Variants in PRRC2C observed in about 807,000 individuals in gnomAD.
PRRC2C encodes the protein protein PRRC2C.
In PRRC2C, 72 loss-of-function variants were observed where a neutral mutation model predicts 317.2. That is an observed-to-expected ratio of 0.23 (90% CI 0.19 to 0.28). The LOEUF is 0.28. Ranked by LOEUF, PRRC2C falls within the 10% of genes least tolerant of loss-of-function variation. PRRC2C has a pLI of 1.00. For synonymous variants in PRRC2C, 1,296 were observed against 1,205.9 expected, an observed-to-expected ratio of 1.07 and a Z score of -1.55; for missense variants, 3,074 against 3,459.7, an observed-to-expected ratio of 0.89 and a Z score of 2.80.
intron 6 of PRRC2C, among the ~76,000 whole-genome samples, chr1:171,521,606 C>CTT (rs397790994): frequency 4.0e-5 from 6 of 150,980 alleles, no homozygotes; most frequent in Non-Finnish European, 7.4e-5. Context: ...CTGAGTTCTT[C>CTT]CCCACGCCTG....
intron 17 of PRRC2C, among the ~76,000 whole-genome samples, chr1:171,547,633 C>CTT (rs35480518): frequency 1.5e-4 from 19 of 129,812 alleles, no homozygotes; most frequent in East Asian, 4.5e-4. Context: ...AGTTTCCCTT[C>CTT]TTTTTTTTTT....
At chr1:171,548,666 A>G (rs1679619513) in intron 17 of PRRC2C, among the ~76,000 whole-genome samples, 1 of 152,128 alleles carries the variant, frequency 6.6e-6, no homozygotes, top group Admixed American at 6.5e-5. Context: ...ATATTATTTG[A>G]TGGATTTATA....
chr1:171,526,303 T>A (rs1238669970), intron 10 of PRRC2C, among the ~76,000 whole-genome samples: 1 of 152,230 alleles, frequency 6.6e-6, no homozygotes, highest in Non-Finnish European at 1.5e-5. Flanking sequence ...TCAGTCAGAT[T>A]TGCTGGATCA....
intron 22 of PRRC2C, among the ~76,000 whole-genome samples, chr1:171,567,464 T>C (rs929485979): frequency 3.9e-5 from 6 of 152,238 alleles, no homozygotes; most frequent in Non-Finnish European, 2.9e-5. Context: ...ATGCAATTTT[T>C]TATATTATCT....
intron 3 of PRRC2C, 114 bp from the exon 4 acceptor site, chr1:171,514,422 C>T (rs1671953185): frequency 1.4e-6 from 1 of 721,808 alleles, no homozygotes; most frequent in South Asian, 2.2e-5. Context: ...TGGAGATTTA[C>T]CAATGAATAA....
intron 10 of PRRC2C, among the ~76,000 whole-genome samples, chr1:171,526,777 G>A (rs976886144): frequency 1.4e-5 from 2 of 143,748 alleles, no homozygotes; most frequent in South Asian, 4.8e-4. Flanking sequence ...TTATGGTATT[G>A]AGAAAATCAT....
At chr1:171,527,438 A>AT in intron 10 of PRRC2C, among the ~76,000 whole-genome samples, 1 of 151,656 alleles carries the variant, frequency 6.6e-6, no homozygotes, top group South Asian at 2.1e-4. Flanking sequence ...CAGCAGATAT[A>AT]TTTTTTCTTA....
intron 11 of PRRC2C, among the ~76,000 whole-genome samples, chr1:171,529,572 A>C (rs965494758): frequency 2.6e-5 from 4 of 152,108 alleles, no homozygotes; most frequent in African/African-American, 9.7e-5. Context: ...GTACCTTCAA[A>C]ATGTACACTG....
At position 171,540,717 on chromosome 1, in the gene PRRC2C, C is replaced by A; in HGVS notation, c.3251C>A (p.Pro1084Gln). ...CAGTCAGTTCCACCACCAATTCAAC[C>A]AGAAGCAGAGAAATTTCCTTCAACA... Reference protein sequence around the residue: ...QPQSVPPPIQPEAEKFPSTET... With the variant: ...QPQSVPPPIQQEAEKFPSTET... The change falls in exon 16 of 35, where the codon CCA (proline) becomes CAA (glutamine). Residue 1084 changes from proline to glutamine, a missense_variant. This residue lies in a region of PRRC2C where 1,320 missense variants were observed against 1,395.7 expected (regional missense o/e 0.95). Coordinates refer to ENST00000647382, the MANE Select transcript of PRRC2C (RefSeq NM_001387844.1). 2 of 1,613,954 alleles carry A rather than the reference C, an allele frequency of 1.2e-6. No individual in the cohort carries two copies. The highest frequency in any genetic ancestry group is 1.7e-6 in the Non-Finnish European group (2 of 1,179,878).
intron 26 of PRRC2C, among the ~76,000 whole-genome samples, chr1:171,578,346 A>T (rs980234720): frequency 7.2e-5 from 11 of 151,896 alleles, no homozygotes; most frequent in Non-Finnish European, 1.6e-4. Flanking sequence ...TGACCCTAGG[A>T]GTTCAAGACC....
chr1:171,560,074 C>G (rs972438760), intron 19 of PRRC2C, among the ~76,000 whole-genome samples: 1 of 152,322 alleles, frequency 6.6e-6, no homozygotes, highest in South Asian at 2.1e-4. Flanking sequence ...GCTGCAACCT[C>G]CATACACAGT....
At chr1:171,588,264 TA>T in intron 32 of PRRC2C, 114 bp from the exon 33 acceptor site, 1 of 1,197,690 alleles carries the variant, frequency 8.3e-7, no homozygotes, top group Non-Finnish European at 1.2e-6. Context: ...ATCATCATAG[TA>T]AATTTTTACC....
chr1:171,534,351 C>G (rs1676420640), intron 12 of PRRC2C, among the ~76,000 whole-genome samples: 2 of 152,032 alleles, frequency 1.3e-5, no homozygotes, highest in Non-Finnish European at 2.9e-5. Context: ...GAAAGGAAAA[C>G]ATTATCATAG....
chr1:171,573,588 A>G lies in PRRC2C; in HGVS notation c.6754-1339A>G, dbSNP rs546553192. Among the ~76,000 whole-genome samples the G allele has an allele frequency of 7.9e-5, 12 of 152,232 alleles. No individual in the cohort carries two copies. The South Asian group carries it at 1.7e-3, about 21-fold the overall frequency. ...TCTGTATTTTAAATATCTAATGATA[A>G]CAATTAGTCTTAAGAAAAGGTTAAA... is the stretch of plus-strand genomic sequence containing the variant. On this transcript the variant is annotated intron_variant, in intron 24 of 34. Coordinates refer to ENST00000647382, the MANE Select transcript of PRRC2C (RefSeq NM_001387844.1).
At position 171,515,668 on chromosome 1, in the gene PRRC2C, G is replaced by A. The variant is rs1030884361; in HGVS notation, c.401-66G>A. The A allele has an allele frequency of 3.1e-6, 4 of 1,296,476 alleles. No individual in the cohort carries two copies. The South Asian group carries it at 6.3e-5, about 21-fold the overall frequency. The allele number at this position is 1,296,476 out of a possible 1,614,324, so 80.3% of individuals were successfully genotyped here. The stretch of plus-strand genomic sequence containing the variant: ...GAAAGAGGCAGAGAGCTCTATCCTG[G>A]GAGGGTGGTTTGTATTATCTTCAGT... On this transcript the variant is annotated intron_variant, in intron 4 of 34. Transcript: ENST00000647382.
chr1:171,573,661 T>C (rs190202899), intron 24 of PRRC2C, among the ~76,000 whole-genome samples: 5 of 149,578 alleles, frequency 3.3e-5, no homozygotes, highest in Admixed American at 6.7e-5. Context: ...ATATGTACTA[T>C]GTCTCAAAAT....
In PRRC2C at chr1:171,493,693, G is replaced by A. The variant is rs188577372; in HGVS notation, c.-58+7958G>A. ...AAATTAGTCAGTTGTGGTGGCAGGC[G>A]CCTGTAACCCCAGCTACTCAGGAGG... On this transcript the variant is annotated intron_variant, in intron 1 of 34. Coordinates refer to ENST00000647382, the MANE Select transcript of PRRC2C (RefSeq NM_001387844.1). Among the ~76,000 whole-genome samples, 336 of 152,100 alleles carry A rather than the reference G, an allele frequency of 2.2e-3. 1 individual carries two copies. The highest frequency in any genetic ancestry group is 7.8e-3 in the African/African-American group (323 of 41,486).
chr1:171,549,512 A>T (rs1406346230), intron 17 of PRRC2C, among the ~76,000 whole-genome samples: 1 of 152,104 alleles, frequency 6.6e-6, no homozygotes, highest in Non-Finnish European at 1.5e-5. Flanking sequence ...TTAAGGCATT[A>T]CTTCTATATT....
At chr1:171,573,802 C>G (rs921577041) in intron 24 of PRRC2C, among the ~76,000 whole-genome samples, 1 of 150,580 alleles carries the variant, frequency 6.6e-6, no homozygotes, top group African/African-American at 2.4e-5. Flanking sequence ...CCTCAGCCTC[C>G]CGAGTAGCTG....
Sources: gnomAD v4.1 joint callset for allele counts (sites outside exome capture counted in the v4.1 genomes callset) on GRCh38, gnomAD v4.1.1 for gene constraint, gnomAD v4.1.1 regional missense constraint, MANE v1.5 for transcripts, NCBI Gene and HGNC (gene_info 2026-07-23, HGNC 2026-07-21) for gene names.